The following C16orf96 variants were observed in gnomAD, a reference collection of about 807,000 sequenced individuals.
The protein encoded by C16orf96 is uncharacterized protein C16orf96.
A neutral mutation model predicts 103.6 loss-of-function variants in C16orf96; 108 were observed. That is an observed-to-expected ratio of 1.04 (90% CI 0.89 to 1.22). The LOEUF (loss-of-function observed/expected upper bound fraction) is 1.22. Ranked by LOEUF, C16orf96 falls within the 50% of genes most tolerant of loss-of-function variation. The pLI is 0.00. For synonymous variants in C16orf96, 566 were observed against 593.5 expected, an observed-to-expected ratio of 0.95 and a Z score of 0.67; for missense variants, 1,586 against 1,464.2, an observed-to-expected ratio of 1.08 and a Z score of -1.36.
At chr16:4,584,492 C>T (rs1316974163) in intron 7 of C16orf96, among the ~76,000 whole-genome samples, 3 of 151,714 alleles carry the variant, frequency 2.0e-5, no homozygotes, top group Non-Finnish European at 2.9e-5. Context: ...GGACTACAGG[C>T]GTGTGCCACC....
intron 1 of C16orf96, among the ~76,000 whole-genome samples, chr16:4,570,344 T>C (rs1015737703): frequency 2.0e-5 from 3 of 152,134 alleles, no homozygotes; most frequent in African/African-American, 7.2e-5. Context: ...GTTTCCTTCA[T>C]GTATTTTATA....
At chr16:4,546,147 C>T in the C16orf96 span, among the ~76,000 whole-genome samples, 5 of 147,118 alleles carry the variant, frequency 3.4e-5, no homozygotes, top group Non-Finnish European at 7.4e-5. Flanking sequence ...CATGCCTAGC[C>T]TCTTTCCTTC....
At chr16:4,573,279 A>G (rs2059459491) in intron 2 of C16orf96, among the ~76,000 whole-genome samples, 1 of 151,884 alleles carries the variant, frequency 6.6e-6, no homozygotes, top group African/African-American at 2.4e-5. Flanking sequence ...TCTCCACTAA[A>G]AATACAAAAA....
Position 4,593,339 on chromosome 16 carries a change from A to C in C16orf96, c.2867+23A>C. The C allele has an allele frequency of 6.5e-7, 1 of 1,545,760 alleles. No individual in the cohort carries two copies. Among genetic ancestry groups the C allele is most frequent in the Non-Finnish European group, 8.7e-7 (1 of 1,143,998 alleles). The stretch of plus-strand genomic sequence containing the variant: ...GAGGTGAGCAGGATGGGCGCCCCGC[A>C]GGGAGGCCGCCCCGCATGGAGGCCA... On this transcript the variant is annotated intron_variant, in intron 12 of 15. Transcript: ENST00000444310. This position sits in a 1 kb window ranked among gnomAD's most constrained non-coding sequence, Gnocchi z 4.2.
chr16:4,591,151 C>T (rs961314795), intron 9 of C16orf96, among the ~76,000 whole-genome samples: 13 of 152,134 alleles, frequency 8.5e-5, no homozygotes, highest in East Asian at 5.8e-4. Context: ...TGCACCACTG[C>T]GCTCCAGCCT....
chr16:4,556,946 T>G (rs748211764), intron 1 of C16orf96, 37 bp downstream of exon 1: 1 of 1,502,424 alleles, frequency 6.7e-7, no homozygotes, highest in Non-Finnish European at 8.9e-7. Context: ...TTTTCCTCCC[T>G]TCACCACTGG....
rs1442588677 is a variant in C16orf96, at chr16:4,599,355, A to G, written c.3199A>G (p.Ile1067Val). 4.5e-6 allele frequency: 7 copies of G among 1,551,512 alleles called. No individual in the cohort carries two copies. The highest frequency in any genetic ancestry group is 6.1e-6 in the Non-Finnish European group (7 of 1,146,866). Residue 1067 changes from isoleucine (I) to valine (V), a missense_variant, in exon 15 of 16, where the codon ATC (isoleucine) becomes GTC (valine). Transcript: ENST00000444310. ...RVHSSALFGA[I>V]CPPLCPRSSA... ...GCACTCCAGTGCCCTATTTGGCGCC[A>G]TCTGCCCCCGTGAGTACCTGGTTCC...
chr16:4,548,514 CCTG>C, the C16orf96 span, among the ~76,000 whole-genome samples: 1 of 152,216 alleles, frequency 6.6e-6, no homozygotes. Flanking sequence ...TGGGGGAACA[CCTG>C]CTGACCTTCA....
chr16:4,593,429 T>A lies in C16orf96; in HGVS notation c.2867+113T>A. The A allele has an allele frequency of 1.9e-6, 2 of 1,065,082 alleles. No homozygotes were observed. Among genetic ancestry groups the A allele is most frequent in the Non-Finnish European group, 2.7e-6 (2 of 729,962 alleles). The allele number at this position is 1,065,082 out of a possible 1,614,324, so 66.0% of individuals were successfully genotyped here. A position where few individuals can be genotyped will look rare whatever the true frequency, so the allele number is the denominator to read the frequency against. ...CTCCAGGCCCAGGGACCTAAGATTG[T>A]CCTGGACATGGCCAGCCCTTCGCAA... On this transcript the variant is annotated intron_variant, in intron 12 of 15. Transcript: ENST00000444310. The surrounding 1 kb of genome is among the most constrained non-coding windows in gnomAD (Gnocchi z 4.2).
chr16:4,563,950 C>A (rs2059360442), intron 1 of C16orf96, among the ~76,000 whole-genome samples: 3 of 151,630 alleles, frequency 2.0e-5, no homozygotes, highest in Admixed American at 2.0e-4. Context: ...GTAATCCCAG[C>A]ACTTTCGGAG....
At chr16:4,542,326 T>C in the C16orf96 span, among the ~76,000 whole-genome samples, 5 of 152,034 alleles carry the variant, frequency 3.3e-5, no homozygotes, top group African/African-American at 1.2e-4. Flanking sequence ...AATTGCGCCA[T>C]TGCAGTCCAG....
chr16:4,564,842 G>T (rs2059370731), intron 1 of C16orf96, among the ~76,000 whole-genome samples: 1 of 152,058 alleles, frequency 6.6e-6, no homozygotes, highest in South Asian at 2.1e-4. Flanking sequence ...AATAAAAATT[G>T]GGTTTTTAAC....
At chr16:4,598,843 C>T (rs899704855) in intron 14 of C16orf96, among the ~76,000 whole-genome samples, 1 of 151,992 alleles carries the variant, frequency 6.6e-6, no homozygotes, top group Non-Finnish European at 1.5e-5. Context: ...GAAGGCTGGG[C>T]GTAATGGTTC....
the C16orf96 span, among the ~76,000 whole-genome samples, chr16:4,549,360 C>T: frequency 2.0e-5 from 3 of 151,576 alleles, no homozygotes; most frequent in East Asian, 3.9e-4. Context: ...GTAGTCCCAG[C>T]TGCTCGGGAG....
intron 2 of C16orf96, among the ~76,000 whole-genome samples, chr16:4,574,117 G>A (rs2059472369): frequency 6.6e-6 from 1 of 152,214 alleles, no homozygotes; most frequent in Non-Finnish European, 1.5e-5. Context: ...ACAGGCATGA[G>A]CCACTGTGCC....
chr16:4,555,918 C>T (rs1025256498), upstream of C16orf96, among the ~76,000 whole-genome samples: 13 of 151,838 alleles, frequency 8.6e-5, no homozygotes, highest in African/African-American at 2.4e-4. Context: ...AGGCTGCTCT[C>T]GAACTCCTGG....
At chr16:4,544,071 G>A in the C16orf96 span, among the ~76,000 whole-genome samples, 8 of 152,134 alleles carry the variant, frequency 5.3e-5, no homozygotes, top group Non-Finnish European at 1.0e-4. Context: ...ACTAAGGAGG[G>A]GTCATAGAGG....
intron 9 of C16orf96, among the ~76,000 whole-genome samples, chr16:4,591,057 C>T (rs549851763): frequency 2.6e-5 from 4 of 151,550 alleles, no homozygotes; most frequent in South Asian, 4.2e-4. Flanking sequence ...TGTGGTAACA[C>T]GCACCTGTAG....
intron 7 of C16orf96, among the ~76,000 whole-genome samples, chr16:4,581,141 CATATAT>C (rs58065868): frequency 0.076 from 3,561 of 46,680 alleles, 116 homozygotes; most frequent in Middle Eastern, 0.11. Context: ...TATATGTATA[CATATAT>C]ATATATATAT....
Sources: gnomAD v4.1 joint callset for allele counts (sites outside exome capture counted in the v4.1 genomes callset) on GRCh38, gnomAD v4.1.1 for gene constraint, Gnocchi (gnomAD v3.1) non-coding constraint, MANE v1.5 for transcripts, NCBI Gene and HGNC (gene_info 2026-07-23, HGNC 2026-07-21) for gene names.